MAD1L1: variants seen among roughly 807,000 people sequenced by gnomAD.
The protein encoded by MAD1L1 is mitotic arrest deficient 1 like 1.
Under a neutral mutation model 96.9 loss-of-function variants are expected in MAD1L1, and 95 were observed. The ratio of observed to expected loss-of-function variants is 0.98; its 90% CI spans 0.83 to 1.16. MAD1L1 has a LOEUF of 1.16. Ranked by LOEUF, MAD1L1 falls within the 50% of genes most tolerant of loss-of-function variation. The pLI is 0.00. For synonymous variants in MAD1L1, 473 were observed against 396.6 expected, an observed-to-expected ratio of 1.19 and a Z score of -2.29; for missense variants, 1,007 against 954.4, an observed-to-expected ratio of 1.06 and a Z score of -0.73.
chr7:2,049,117 G>C (rs1183175686), intron 12 of MAD1L1, among the ~76,000 whole-genome samples: 1 of 152,222 alleles, frequency 6.6e-6, no homozygotes, highest in Non-Finnish European at 1.5e-5. Context: ...TGTAATCTGT[G>C]AATCGGCTCC....
chr7:2,193,766 G>C (rs941284522), intron 10 of MAD1L1, among the ~76,000 whole-genome samples: 1 of 152,126 alleles, frequency 6.6e-6, no homozygotes, highest in Admixed American at 6.5e-5. Context: ...TCCGGGAGAC[G>C]CCAGTCTCAC....
rs1045079668 is a variant in MAD1L1 at position 1,838,406 on chromosome 7, T to C, written c.1999-22178A>G. Among the ~76,000 whole-genome samples the C allele has an allele frequency of 3.3e-5, 5 of 152,226 alleles. No homozygotes were observed. In the South Asian group the frequency reaches 6.2e-4, roughly 19 times the overall value. ...ATGTTCACAGCAGCACTGTGTGTAATAGCCCCAAACGGAAGCAATTCAAAT... is the reference window on the plus strand; with the variant it reads ...ATGTTCACAGCAGCACTGTGTGTAACAGCCCCAAACGGAAGCAATTCAAAT... On this transcript the variant is annotated intron_variant, in intron 18 of 18. Coordinates refer to ENST00000265854, the MANE Select transcript of MAD1L1 (RefSeq NM_001013836.2).
intron 10 of MAD1L1, among the ~76,000 whole-genome samples, chr7:2,188,512 A>G (rs1381208247): frequency 6.6e-6 from 1 of 152,240 alleles, no homozygotes; most frequent in Non-Finnish European, 1.5e-5. Flanking sequence ...CATGAAATAC[A>G]GTAGAGATCC....
intron 12 of MAD1L1, among the ~76,000 whole-genome samples, chr7:2,051,627 TCCCCCACCTCCC>T (rs1784175588): frequency 6.9e-6 from 1 of 144,060 alleles, no homozygotes; most frequent in African/African-American, 2.6e-5. Context: ...CACCTTGCTG[TCCCCCACCTCCC>T]CCACCCCCCC....
chr7:1,981,258 T>C (rs1044112349), intron 14 of MAD1L1, among the ~76,000 whole-genome samples: 2 of 152,174 alleles, frequency 1.3e-5, no homozygotes, highest in Non-Finnish European at 2.9e-5. Flanking sequence ...TGAGCCGGTG[T>C]GCCCGGCCAG....
At chr7:2,189,012 A>C (rs1382807004) in intron 10 of MAD1L1, among the ~76,000 whole-genome samples, 1 of 152,244 alleles carries the variant, frequency 6.6e-6, no homozygotes, top group Non-Finnish European at 1.5e-5. Flanking sequence ...AGAACAGGCG[A>C]AGAACCTGCA....
chr7:1,969,651 T>C lies in MAD1L1; in HGVS notation c.1505+10802A>G, dbSNP rs866167713. On this transcript the variant is annotated intron_variant, in intron 15 of 18. Coordinates refer to ENST00000265854, the MANE Select transcript of MAD1L1 (RefSeq NM_001013836.2). ...GCTGCAAATAACCTGTTCTAGTCAA[T>C]AAACAAAATCAGCAAAGTTGCAAAA... Among the ~76,000 whole-genome samples the C allele has an allele frequency of 3.9e-5, 6 of 152,256 alleles. No homozygotes were observed. The South Asian group carries it at 6.2e-4, about 16-fold the overall frequency.
intron 18 of MAD1L1, among the ~76,000 whole-genome samples, chr7:1,884,826 C>A (rs1375419927): frequency 1.3e-5 from 2 of 152,234 alleles, no homozygotes; most frequent in African/African-American, 2.4e-5. Context: ...AGCAGGGAGG[C>A]CACAGCGCCC....
At chr7:1,851,008 A>G (rs1269575696) in intron 18 of MAD1L1, among the ~76,000 whole-genome samples, 55 of 152,152 alleles carry the variant, frequency 3.6e-4, no homozygotes, top group Non-Finnish European at 1.5e-4. Flanking sequence ...TGTTGCCCTA[A>G]GCTTCTGTGA....
intron 18 of MAD1L1, among the ~76,000 whole-genome samples, chr7:1,879,831 C>G (rs1172354930): frequency 8.5e-5 from 13 of 152,092 alleles, no homozygotes; most frequent in Admixed American, 8.5e-4. Context: ...CCCGGGTTCA[C>G]GCCATTCTCC....
At chr7:2,071,558 G>A (rs886312952) in intron 11 of MAD1L1, among the ~76,000 whole-genome samples, 1 of 152,228 alleles carries the variant, frequency 6.6e-6, no homozygotes, top group Non-Finnish European at 1.5e-5. Flanking sequence ...CTGGGCAGCT[G>A]CAGGATGGGG....
chr7:1,971,906 G>C (rs1780422273), intron 15 of MAD1L1, among the ~76,000 whole-genome samples: 1 of 152,334 alleles, frequency 6.6e-6, no homozygotes, highest in Middle Eastern at 3.4e-3. Flanking sequence ...GAACTGCAGG[G>C]CTGGCTGGAG....
At chr7:2,038,536 T>G in intron 12 of MAD1L1, among the ~76,000 whole-genome samples, 1 of 129,638 alleles carries the variant, frequency 7.7e-6, no homozygotes, top group African/African-American at 2.7e-5. Context: ...TGAGACACAG[T>G]CTCACTCATT....
intron 11 of MAD1L1, among the ~76,000 whole-genome samples, chr7:2,077,820 C>A (rs1785450010): frequency 6.6e-6 from 1 of 152,348 alleles, no homozygotes; most frequent in East Asian, 1.9e-4. Context: ...CTGGACAGAA[C>A]AACCTCCCAA....
chr7:2,161,600 C>T (rs978091357), intron 10 of MAD1L1, among the ~76,000 whole-genome samples: 6 of 150,868 alleles, frequency 4.0e-5, no homozygotes, highest in South Asian at 2.1e-4. Flanking sequence ...TCTGCCCGAC[C>T]GCCCAGTCTG....
intron 18 of MAD1L1, among the ~76,000 whole-genome samples, chr7:1,878,572 T>TAA (rs34728278): frequency 0.37 from 54,342 of 148,038 alleles, 10,573 homozygotes; most frequent in Admixed American, 0.5. Context: ...TCAATAGATG[T>TAA]AAAAAAAAAA....
chr7:2,132,856 CGATTGG>C (rs1562717332), intron 11 of MAD1L1, among the ~76,000 whole-genome samples: 2 of 152,198 alleles, frequency 1.3e-5, no homozygotes, highest in Non-Finnish European at 2.9e-5. Flanking sequence ...CTGATCCCCA[CGATTGG>C]AAGCAGGACC....
intron 10 of MAD1L1, among the ~76,000 whole-genome samples, chr7:2,164,850 C>G (rs1458062499): frequency 6.6e-6 from 1 of 152,102 alleles, no homozygotes; most frequent in Non-Finnish European, 1.5e-5. Context: ...GGAGGCCGAC[C>G]ATGACAAGAG....
At chr7:2,062,250 G>A in intron 12 of MAD1L1, among the ~76,000 whole-genome samples, 1 of 88,504 alleles carries the variant, frequency 1.1e-5, no homozygotes, top group Non-Finnish European at 2.1e-5. Flanking sequence ...TCAAAAAACA[G>A]CAACGACAAA....
Sources: gnomAD v4.1 joint callset for allele counts (sites outside exome capture counted in the v4.1 genomes callset) on GRCh38, gnomAD v4.1.1 for gene constraint, MANE v1.5 for transcripts, NCBI Gene and HGNC (gene_info 2026-07-23, HGNC 2026-07-21) for gene names.